Variants in RCC1L observed in about 807,000 individuals in gnomAD.
RCC1L encodes the protein RCC1 like, also known as RCC1-like G exchanging factor-like protein.
In RCC1L, 46 loss-of-function variants were observed where a neutral mutation model predicts 58.6. That is an observed-to-expected ratio of 0.79 (90% CI 0.62 to 1.00). The LOEUF (loss-of-function observed/expected upper bound fraction) is 1.00. Ranked by LOEUF, RCC1L falls within the 50% of genes least tolerant of loss-of-function variation. The pLI, the probability that RCC1L is intolerant of heterozygous loss-of-function variation, is 0.00. For synonymous variants in RCC1L, 281 were observed against 262.9 expected (o/e 1.07, Z -0.67); for missense variants, 636 against 623.6 (o/e 1.02, Z -0.21).
At position 75,073,652 on chromosome 7, in the gene RCC1L, G is replaced by C. The variant is rs782549268; in HGVS notation, c.86C>G (p.Ala29Gly). ...PGLGRGHWTAAGRSRSRREAA... is the reference protein window; with the variant it reads ...PGLGRGHWTAGGRSRSRREAA... ...TTCGCGCCGGCTCCGGGAGCGCCCGGCCGCCGTCCAGTGCCCTCGCCCCAG... is the reference window on the plus strand; with the variant it reads ...TTCGCGCCGGCTCCGGGAGCGCCCGCCCGCCGTCCAGTGCCCTCGCCCCAG... Residue 29 changes from alanine to glycine, a missense_variant, in exon 1 of 11, where the codon GCC (alanine) becomes GGC (glycine). Coordinates refer to ENST00000610322, the MANE Select transcript of RCC1L (RefSeq NM_030798.5). 1.4e-6 allele frequency: 2 copies of C among 1,472,468 alleles called. No homozygotes were observed. The highest frequency in any genetic ancestry group is 2.4e-5 in the Admixed American group (1 of 41,292). 91.2% of individuals were successfully genotyped at this position (1,472,468 alleles called of 1,614,324 possible). A position where few individuals can be genotyped will look rare whatever the true frequency, so the allele number is the denominator to read the frequency against.
chr7:75,044,647 C>T lies in RCC1L; in HGVS notation c.1318-1538G>A, dbSNP rs1042875090. ...AAGTCTTTCATTACCACACCTATCA[C>T]CAGCTGCCCCAGTCCCCATCTGCCT... is the stretch of plus-strand genomic sequence containing the variant. On this transcript the variant is annotated intron_variant, in intron 10 of 10. Transcript: ENST00000610322. 4.3e-3 allele frequency among the ~76,000 whole-genome samples: 633 copies of T among 147,746 alleles called. 7 individuals are homozygous for T. The highest frequency in any genetic ancestry group is 5.7e-3 in the Non-Finnish European group (383 of 67,022).
rs587647207 is a variant in RCC1L, at chr7:75,065,208, A to C, written c.584-560T>G. Among the ~76,000 whole-genome samples, 797 of 151,938 alleles carry C rather than the reference A, an allele frequency of 5.2e-3. 5 individuals carry two copies. The highest frequency in any genetic ancestry group is 0.011 in the South Asian group (55 of 4,826). On this transcript the variant is annotated intron_variant, in intron 3 of 10. Coordinates refer to ENST00000610322, the MANE Select transcript of RCC1L (RefSeq NM_030798.5). Reference sequence around the variant, plus strand: ...TTTAATTAAAAAAAAAAAAAAAGAAAGAGCTCCTAAATGCCACCTCCGCCT... The same window carrying C: ...TTTAATTAAAAAAAAAAAAAAAGAACGAGCTCCTAAATGCCACCTCCGCCT...
Position 75,064,605 on chromosome 7 carries a change from C to T in RCC1L, c.627G>A (p.Lys209=). ...ACCTGTAAATTTCATTTTCGACCAC[C>T]TTTCTTCCACATTGCCCATAAGAAT... ...GNNSYGQCGR[K]VVENEIYSES... The change falls in exon 4 of 11, where the codon AAG becomes AAA. Residue 209 remains lysine, a synonymous_variant. Transcript: ENST00000610322. 9 of 1,613,870 alleles carry T rather than the reference C, an allele frequency of 5.6e-6. No individual in the cohort carries two copies. Among genetic ancestry groups the T allele is most frequent in the Non-Finnish European group, 7.6e-6 (9 of 1,179,838 alleles).
At chr7:75,034,184 A>C (rs1401617696) in intron 10 of RCC1L, among the ~76,000 whole-genome samples, 1 of 152,202 alleles carries the variant, frequency 6.6e-6, no homozygotes, top group African/African-American at 2.4e-5. Context: ...TAGAAAAAGC[A>C]ACAGGTCTGG....
chr7:75,043,136 G>A (rs1463184937), intron 10 of RCC1L, 27 bp from the exon 11 acceptor site: 15 of 1,613,324 alleles, frequency 9.3e-6, no homozygotes, highest in African/African-American at 1.3e-5. Flanking sequence ...AGCATACCAT[G>A]GGTGGGGGTG....
chr7:75,049,930 T>C (rs1284024965), intron 10 of RCC1L, among the ~76,000 whole-genome samples: 5 of 152,024 alleles, frequency 3.3e-5, no homozygotes, highest in African/African-American at 7.2e-5. Context: ...TAATTTTTTT[T>C]TTAAGTGAGT....
At chr7:75,050,263 C>G (rs1255510922) in intron 10 of RCC1L, among the ~76,000 whole-genome samples, 1 of 152,092 alleles carries the variant, frequency 6.6e-6, no homozygotes, top group African/African-American at 2.4e-5. Context: ...GCCTGGGCAA[C>G]AGAGCAAGAC....
chr7:75,039,910 G>C (rs1053374270), downstream of RCC1L, among the ~76,000 whole-genome samples: 253 of 152,286 alleles, frequency 1.7e-3, 1 homozygote, highest in African/African-American at 4.8e-3. Flanking sequence ...GGTTTCTATG[G>C]ACGTGTGTGT....
At chr7:75,032,120 T>A (rs950589883) in intron 10 of RCC1L, among the ~76,000 whole-genome samples, 6 of 152,138 alleles carry the variant, frequency 3.9e-5, no homozygotes, top group Non-Finnish European at 7.3e-5. Flanking sequence ...ACTACATAAG[T>A]GGGTGGAAAC....
intron 9 of RCC1L, among the ~76,000 whole-genome samples, chr7:75,054,592 T>C (rs1806018495): frequency 6.6e-6 from 1 of 152,192 alleles, no homozygotes; most frequent in African/African-American, 2.4e-5. Context: ...ACGACTCTTA[T>C]TTATCAAATC....
chr7:75,041,018 G>T (rs1805546044), downstream of RCC1L, among the ~76,000 whole-genome samples: 1 of 152,062 alleles, frequency 6.6e-6, no homozygotes, highest in Non-Finnish European at 1.5e-5. Context: ...AGGAGTTCGA[G>T]AACAGCCTGG....
At chr7:75,056,168 C>A in intron 8 of RCC1L, 94 bp from the exon 9 acceptor site, 1 of 1,451,802 alleles carries the variant, frequency 6.9e-7, no homozygotes, top group Non-Finnish European at 9.5e-7. Flanking sequence ...TTTATGACAT[C>A]CACACGGTTT....
At chr7:75,027,985 G>C (rs1337784491) in exon 11 of RCC1L, 4 of 1,526,308 alleles carry the variant, frequency 2.6e-6, no homozygotes, top group African/African-American at 1.4e-5. Flanking sequence ...TCCATCCGCA[G>C]TTGCATGGAA....
chr7:75,063,431 C>T, intron 4 of RCC1L, 88 bp from the exon 5 acceptor site: 5 of 1,319,448 alleles, frequency 3.8e-6, no homozygotes, highest in Non-Finnish European at 5.5e-6. Context: ...CAACTGATGG[C>T]CCGTCCCCTC....
In RCC1L at chr7:75,063,665, T is replaced by C. The variant is rs1044386156; in HGVS notation, c.651-322A>G. 1.8e-3 allele frequency among the ~76,000 whole-genome samples: 269 copies of C among 152,260 alleles called. 1 individual carries two copies. Among genetic ancestry groups the C allele is most frequent in the Non-Finnish European group, 2.8e-3 (191 of 68,026 alleles). On this transcript the variant is annotated intron_variant, in intron 4 of 10. Coordinates refer to ENST00000610322, the MANE Select transcript of RCC1L (RefSeq NM_030798.5). ...CGGGCGCGGTGGGTCACGCCTGTAATTCCAGCACTTTTAGAGGCCGAGGTG... is the reference window on the plus strand; with the variant it reads ...CGGGCGCGGTGGGTCACGCCTGTAACTCCAGCACTTTTAGAGGCCGAGGTG...
At chr7:75,032,144 T>C (rs1441987503) in intron 10 of RCC1L, among the ~76,000 whole-genome samples, 1 of 152,168 alleles carries the variant, frequency 6.6e-6, no homozygotes, top group African/African-American at 2.4e-5. Flanking sequence ...GAGGTAAAGA[T>C]GACTGGGGGC....
At chr7:75,032,131 C>G (rs1308769951) in intron 10 of RCC1L, among the ~76,000 whole-genome samples, 1 of 152,168 alleles carries the variant, frequency 6.6e-6, no homozygotes. Context: ...GGGTGGAAAC[C>G]AGGAGGTAAA....
At chr7:75,035,618 T>C (rs1805417322) in intron 10 of RCC1L, among the ~76,000 whole-genome samples, 1 of 152,032 alleles carries the variant, frequency 6.6e-6, no homozygotes, top group Non-Finnish European at 1.5e-5. Flanking sequence ...TACATGAATG[T>C]TTTGACATTA....
rs782020155 is a variant in RCC1L, at chr7:75,073,670, C to A, written c.68G>T (p.Arg23Leu). 1 of 1,486,672 alleles carries A rather than the reference C, an allele frequency of 6.7e-7. No homozygotes were observed. The highest frequency in any genetic ancestry group is 8.9e-7 in the Non-Finnish European group (1 of 1,126,374). The allele number at this position is 1,486,672 out of a possible 1,614,324, so 92.1% of individuals were successfully genotyped here. A position where few individuals can be genotyped will look rare whatever the true frequency, so the allele number is the denominator to read the frequency against. Residue 23 changes from arginine to leucine, a missense_variant, in exon 1 of 11, where the codon CGA becomes CTA. By Grantham distance (102) the Arg-to-Leu change is moderately radical (BLOSUM62 -2). Coordinates refer to ENST00000610322, the MANE Select transcript of RCC1L (RefSeq NM_030798.5). ...GCGCCCGGCCGCCGTCCAGTGCCCT[C>A]GCCCCAGCCCCGGCCCGCTCAGCCG... Reference protein sequence around the residue: ...GRRLSGPGLGRGHWTAAGRSR... With the variant: ...GRRLSGPGLGLGHWTAAGRSR...
Sources: gnomAD v4.1 joint callset for allele counts (sites outside exome capture counted in the v4.1 genomes callset) on GRCh38, gnomAD v4.1.1 for gene constraint, MANE v1.5 for transcripts, NCBI Gene and HGNC (gene_info 2026-07-23, HGNC 2026-07-21) for gene names.